MOB3B: variants seen among roughly 807,000 people sequenced by gnomAD.
The protein encoded by MOB3B is MOB kinase activator-like 2B.
MOB3B carries 7 observed loss-of-function variants against 18.7 expected under a neutral mutation model. The ratio of observed to expected loss-of-function variants is 0.37; its 90% CI spans 0.21 to 0.70. The LOEUF is 0.70. Ranked by LOEUF, MOB3B falls within the 30% of genes least tolerant of loss-of-function variation. The probability of loss-of-function intolerance (pLI) is 0.52; values close to 1 mark genes in which losing one functional copy is unlikely to be tolerated. For synonymous variants in MOB3B, 111 were observed against 99.9 expected, an observed-to-expected ratio of 1.11 and a Z score of -0.66; for missense variants, 253 against 281.3, an observed-to-expected ratio of 0.90 and a Z score of 0.72.
chr9:27,493,216 C>T lies in MOB3B; in HGVS notation c.-199+36339G>A, dbSNP rs150475896. 2.3e-4 allele frequency among the ~76,000 whole-genome samples: 35 copies of T among 152,236 alleles called. 1 individual carries two copies. The East Asian group carries it at 6.0e-3, about 26-fold the overall frequency. On this transcript the variant is annotated intron_variant, in intron 1 of 3. Transcript: ENST00000262244. Reference sequence around the variant, plus strand: ...GTTGTGGGAAGTCAGGGACCCCAAACGGAGGGACCGGCTGAAGCCATGACA... The same window carrying T: ...GTTGTGGGAAGTCAGGGACCCCAAATGGAGGGACCGGCTGAAGCCATGACA...
chr9:27,404,820 G>A (rs1821941692), intron 2 of MOB3B, among the ~76,000 whole-genome samples: 1 of 152,034 alleles, frequency 6.6e-6, no homozygotes. Flanking sequence ...TTTATTTTTA[G>A]TTCTTTGAGG....
At chr9:27,385,315 T>C (rs994343920) in intron 2 of MOB3B, among the ~76,000 whole-genome samples, 1 of 152,226 alleles carries the variant, frequency 6.6e-6, no homozygotes. Flanking sequence ...CAACAATTTA[T>C]TGAGCACTTC....
intron 2 of MOB3B, among the ~76,000 whole-genome samples, chr9:27,445,814 A>G (rs751855464): frequency 3.3e-5 from 5 of 152,108 alleles, no homozygotes; most frequent in Non-Finnish European, 4.4e-5. Flanking sequence ...CAGCTGCACC[A>G]GAGACTAAGC....
intron 2 of MOB3B, among the ~76,000 whole-genome samples, chr9:27,359,650 C>A (rs1821245403): frequency 6.6e-6 from 1 of 152,190 alleles, no homozygotes; most frequent in Non-Finnish European, 1.5e-5. Context: ...AGCTACCAGT[C>A]TGCAAAGCTT....
At position 27,455,649 on chromosome 9, in the gene MOB3B, A is replaced by C; in HGVS notation, c.-99T>G. On this transcript the variant is annotated 5_prime_UTR_variant, in exon 2 of 4. Transcript: ENST00000262244. ...CCCAACAGTGTTTTCCACTGCCAGC[A>C]CTCAGGCCCCAGTCTTACAGCCTGT... The C allele has an allele frequency of 6.4e-7, 1 of 1,572,580 alleles. No homozygotes were observed. The highest frequency in any genetic ancestry group is 2.2e-5 in the East Asian group (1 of 44,740).
chr9:27,388,058 A>G (rs906861131), intron 2 of MOB3B, among the ~76,000 whole-genome samples: 6 of 152,206 alleles, frequency 3.9e-5, no homozygotes, highest in African/African-American at 1.2e-4. Context: ...AACATTTAAC[A>G]ATGCACAGGA....
chr9:27,351,991 G>T (rs892069718), intron 3 of MOB3B, among the ~76,000 whole-genome samples: 13 of 152,180 alleles, frequency 8.5e-5, no homozygotes, highest in African/African-American at 3.1e-4. Context: ...CTACACACTG[G>T]GGGTGGGACA....
In MOB3B at chr9:27,516,622, C is replaced by T. The variant is rs192309699; in HGVS notation, c.-199+12933G>A. The stretch of plus-strand genomic sequence containing the variant: ...AGACAAAACAAACAAACAAACAAAA[C>T]GAAAAAAACAGAAAAAACTAATTAT... On this transcript the variant is annotated intron_variant, in intron 1 of 3. Coordinates refer to ENST00000262244, the MANE Select transcript of MOB3B (RefSeq NM_024761.5). 9.2e-4 allele frequency among the ~76,000 whole-genome samples: 140 copies of T among 152,156 alleles called. 1 individual carries two copies. The East Asian group carries it at 0.015, about 16-fold the overall frequency.
chr9:27,445,235 T>C (rs953237752), intron 2 of MOB3B, among the ~76,000 whole-genome samples: 1 of 152,246 alleles, frequency 6.6e-6, no homozygotes, highest in Non-Finnish European at 1.5e-5. Context: ...GCACTTTATG[T>C]GCATTACGTC....
At chr9:27,373,841 A>T (rs1424737933) in intron 2 of MOB3B, among the ~76,000 whole-genome samples, 1 of 152,218 alleles carries the variant, frequency 6.6e-6, no homozygotes, top group African/African-American at 2.4e-5. Flanking sequence ...TGTTAAATTG[A>T]ATTTGGCCAA....
At chr9:27,355,873 GT>G (rs1821182589) in intron 3 of MOB3B, among the ~76,000 whole-genome samples, 1 of 152,096 alleles carries the variant, frequency 6.6e-6, no homozygotes, top group Non-Finnish European at 1.5e-5. Flanking sequence ...TATATATAGA[GT>G]ATCAATATAT....
intron 1 of MOB3B, among the ~76,000 whole-genome samples, chr9:27,477,571 A>T (rs541969291): frequency 3.9e-5 from 6 of 152,374 alleles, no homozygotes; most frequent in South Asian, 2.1e-4. Flanking sequence ...AGTCAGGAAC[A>T]TGATAGGTGG....
intron 2 of MOB3B, among the ~76,000 whole-genome samples, chr9:27,381,185 T>G (rs1821572366): frequency 6.6e-6 from 1 of 152,176 alleles, no homozygotes; most frequent in Non-Finnish European, 1.5e-5. Context: ...AGTGGGTGTT[T>G]AAGTTCTCGG....
At chr9:27,452,250 C>A (rs1563872199) in intron 2 of MOB3B, among the ~76,000 whole-genome samples, 1 of 152,106 alleles carries the variant, frequency 6.6e-6, no homozygotes, top group Non-Finnish European at 1.5e-5. Flanking sequence ...TTGAAAGTTA[C>A]CAGGACTAGA....
rs1217896005 is a variant in MOB3B at position 27,370,521 on chromosome 9, AAG to A, written c.419-11287_419-11286del. On this transcript the variant is annotated intron_variant, in intron 2 of 3. Coordinates refer to ENST00000262244, the MANE Select transcript of MOB3B (RefSeq NM_024761.5). ...GAAACTCCATCTCAGAAAAAAAAAA[AAG>A]AAAAAAAGAGGGTCCTTTTTCTTTC... 2.0e-5 allele frequency among the ~76,000 whole-genome samples: 3 copies of A among 151,362 alleles called. 1 individual carries two copies. Among genetic ancestry groups the A allele is most frequent in the Non-Finnish European group, 1.5e-5 (1 of 67,882 alleles).
At chr9:27,358,366 T>G (rs1175940256) in intron 3 of MOB3B, among the ~76,000 whole-genome samples, 1 of 152,226 alleles carries the variant, frequency 6.6e-6, no homozygotes, top group Non-Finnish European at 1.5e-5. Context: ...AAGCACAGAT[T>G]GAGTGCCACT....
At position 27,344,914 on chromosome 9, in the gene MOB3B, C is replaced by T. The variant is rs796073257; in HGVS notation, c.621+14120G>A. On this transcript the variant is annotated intron_variant, in intron 3 of 3. Transcript: ENST00000262244. ...GCACATACAATAACAAAGCTGCTTA[C>T]AGTCTCGGCCTGGCCGCGACAGGGT... is the stretch of plus-strand genomic sequence containing the variant. Among the ~76,000 whole-genome samples, 99 of 152,392 alleles carry T rather than the reference C, an allele frequency of 6.5e-4. 1 individual carries two copies. Among genetic ancestry groups the T allele is most frequent in the African/African-American group, 2.3e-3 (94 of 41,600 alleles).
intron 3 of MOB3B, among the ~76,000 whole-genome samples, chr9:27,340,996 G>A (rs1292395055): frequency 6.6e-6 from 1 of 152,236 alleles, no homozygotes; most frequent in Non-Finnish European, 1.5e-5. Flanking sequence ...TTTGAGGAAT[G>A]AAACAGATTT....
intron 1 of MOB3B, among the ~76,000 whole-genome samples, chr9:27,477,736 C>T (rs1035656430): frequency 6.6e-6 from 1 of 152,150 alleles, no homozygotes; most frequent in Admixed American, 6.5e-5. Flanking sequence ...TTAATGCAGG[C>T]CAGAAATGAA....
Sources: gnomAD v4.1 joint callset for allele counts (sites outside exome capture counted in the v4.1 genomes callset) on GRCh38, gnomAD v4.1.1 for gene constraint, MANE v1.5 for transcripts, NCBI Gene and HGNC (gene_info 2026-07-23, HGNC 2026-07-21) for gene names.